IRF2BPL: variants seen among roughly 807,000 people sequenced by gnomAD.
IRF2BPL encodes interferon regulatory factor 2 binding protein like.
IRF2BPL carries 13 observed loss-of-function variants against 51.2 expected under a neutral mutation model. That is an observed-to-expected ratio of 0.25 (90% CI 0.17 to 0.40). The LOEUF is 0.40. Ranked by LOEUF, IRF2BPL falls within the 10% of genes least tolerant of loss-of-function variation. The pLI is 1.00. For missense variants in IRF2BPL, 1,210 were observed against 1,111.8 expected, an observed-to-expected ratio of 1.09 and a Z score of -1.26; for synonymous variants, 768 against 509.2, an observed-to-expected ratio of 1.51 and a Z score of -6.84.
In IRF2BPL at chr14:77,027,733, G is replaced by A. The variant is rs1039289890; in HGVS notation, c.60C>T (p.Pro20=). The A allele has an allele frequency of 3.7e-6, 6 of 1,606,854 alleles. No homozygotes were observed. The highest frequency in any genetic ancestry group is 1.7e-5 in the Admixed American group (1 of 59,666). ...RRQSCYLCDL[P]RMPWAMIWDF... The stretch of plus-strand genomic sequence containing the variant: ...CCCAGATCATGGCCCAGGGCATGCG[G>A]GGCAGGTCGCACAGGTAGCAAGATT... Residue 20 remains proline, a synonymous_variant, in exon 1 of 1, where the codon CCC becomes CCT. Transcript: ENST00000238647.
chr14:77,025,597 G>A lies in IRF2BPL; in HGVS notation c.2196C>T (p.Ser732=), dbSNP rs1885088344. 1.9e-6 allele frequency: 3 copies of A among 1,604,320 alleles called. No homozygotes were observed. In the East Asian group the frequency reaches 6.7e-5, roughly 36 times the overall value. The change falls in exon 1 of 1, where the codon TCC becomes TCT. Residue 732 remains serine, a synonymous_variant. Coordinates refer to ENST00000238647, the MANE Select transcript of IRF2BPL (RefSeq NM_024496.4). ...GGAAGCAAAATTTGTGGCTGGGGACGGAAGGGCACTGAACGAAATGCGTAT... is the reference window on the plus strand; with the variant it reads ...GGAAGCAAAATTTGTGGCTGGGGACAGAAGGGCACTGAACGAAATGCGTAT... ...LEDTHFVQCP[S]VPSHKFCFPC... is the part of the protein sequence containing the mutation.
rs772541420 is a variant in IRF2BPL, at chr14:77,026,740, G to A, written c.1053C>T (p.Ala351=). Reference sequence around the variant, plus strand: ...TCTCGCTCAGCTCGGCCAGGGCCTCGGCGTTGCGCTGCTTCTCCTTCAACT... The same window carrying A: ...TCTCGCTCAGCTCGGCCAGGGCCTCAGCGTTGCGCTGCTTCTCCTTCAACT... ...ERELKEKQRN[A]EALAELSESL... is the part of the protein sequence containing the mutation. Residue 351 remains alanine, a synonymous_variant, in exon 1 of 1, where the codon GCC becomes GCT. Transcript: ENST00000238647. 9.9e-6 allele frequency: 16 copies of A among 1,612,426 alleles called. No individual in the cohort carries two copies. Among genetic ancestry groups the A allele is most frequent in the African/African-American group, 2.7e-5 (2 of 75,054 alleles).
Position 77,027,431 on chromosome 14 carries a change from TGCTGC to T in IRF2BPL, c.357_361del (p.Gln120AlafsTer11), listed in dbSNP as rs1164766597. The T allele has an allele frequency of 7.1e-7, 1 of 1,413,102 alleles. No homozygotes were observed. The highest frequency in any genetic ancestry group is 1.3e-5 in the South Asian group (1 of 74,656). 87.5% of individuals were successfully genotyped at this position (1,413,102 alleles called of 1,614,324 possible). On this transcript the variant is annotated frameshift_variant, in exon 1 of 1. Transcript: ENST00000238647. LOFTEE classifies it high-confidence loss of function. The stretch of plus-strand genomic sequence containing the variant: ...GTTGAGCTGTTGTTGCTGCTGCTGC[TGCTGC>T]TGCTGCTGCTGCTGTTGCTGCTGCT...
At position 77,027,865 on chromosome 14, in the gene IRF2BPL, C is replaced by T. The variant is rs1885206270; in HGVS notation, c.-73G>A. The T allele has an allele frequency of 1.1e-5, 16 of 1,414,670 alleles. No individual in the cohort carries two copies. The highest frequency in any genetic ancestry group is 1.4e-5 in the Non-Finnish European group (15 of 1,079,444). 87.6% of individuals were successfully genotyped at this position (1,414,670 alleles called of 1,614,324 possible). ...GCGCCTTCTCCTCCGGGAGGACTGG[C>T]CGGCTGGGGAGGGAGTCCGACTGCG... On this transcript the variant is annotated 5_prime_UTR_variant, in exon 1 of 1. Coordinates refer to ENST00000238647, the MANE Select transcript of IRF2BPL (RefSeq NM_024496.4).
Position 77,027,514 on chromosome 14 carries a change from T to TGCCGCC in IRF2BPL, c.273_278dup (p.Ala101_Ala102dup), listed in dbSNP as rs749636443. 4.2e-5 allele frequency: 27 copies of TGCCGCC among 648,336 alleles called. No homozygotes were observed. Among genetic ancestry groups the TGCCGCC allele is most frequent in the Admixed American group, 6.7e-5 (1 of 14,870 alleles). 40.2% of individuals were successfully genotyped at this position (648,336 alleles called of 1,614,324 possible). A position where few individuals can be genotyped will look rare whatever the true frequency, so the allele number is the denominator to read the frequency against. ...CGGCGGCGGCGGCGGCCGCCGCTGC[T>TGCCGCC]GCCGCCGCCGCCGCCGCTTCCTTAG... On this transcript the variant is annotated inframe_insertion, in exon 1 of 1. Transcript: ENST00000238647.
At position 77,026,538 on chromosome 14, in the gene IRF2BPL, G is replaced by C; in HGVS notation, c.1255C>G (p.Leu419Val). 6.2e-7 allele frequency: 1 copy of C among 1,613,818 alleles called. No homozygotes were observed. The highest frequency in any genetic ancestry group is 8.5e-7 in the Non-Finnish European group (1 of 1,180,026). Residue 419 changes from leucine to valine, a missense_variant, in exon 1 of 1, where the codon CTG (leucine) becomes GTG (valine). By Grantham distance (32) the Leu-to-Val change is conservative. Transcript: ENST00000238647. ...SKPGMDYELK[L>V]FIEYPTGSGN... ...GAGCCCGTGGGGTACTCAATGAACAGCTTCAATTCGTAGTCCATGCCGGGC... is the reference window on the plus strand; with the variant it reads ...GAGCCCGTGGGGTACTCAATGAACACCTTCAATTCGTAGTCCATGCCGGGC...
Position 77,026,010 on chromosome 14 carries a change from C to A in IRF2BPL, c.1783G>T (p.Gly595Cys), listed in dbSNP as rs2140377333. The A allele has an allele frequency of 1.9e-6, 3 of 1,564,998 alleles. No homozygotes were observed. Among genetic ancestry groups the A allele is most frequent in the South Asian group, 1.2e-5 (1 of 86,354 alleles). ...AGAGGTGGGGGCGGCGGAGGCGGAC[C>A]CCCCGCCGCGTGCCCCGGCGCCGCG... is the stretch of plus-strand genomic sequence containing the variant. ...GFAAPGHAAG[G>C]PPPPPPPLGP... The change falls in exon 1 of 1, where the codon GGT becomes TGT. Residue 595 changes from glycine (G) to cysteine (C), a missense_variant. Transcript: ENST00000238647.
rs1190171551 is a variant in IRF2BPL at position 77,026,112 on chromosome 14, C to T, written c.1681G>A (p.Gly561Ser). The change falls in exon 1 of 1, where the codon GGC (glycine) becomes AGC (serine). Residue 561 changes from glycine to serine, a missense_variant. By Grantham distance (56) the Gly-to-Ser change is moderately conservative. Transcript: ENST00000238647. ...PDSAEGALKL[G>S]EEQQRQQWMA... is the part of the protein sequence containing the mutation. ...CACTGCTGCCTCTGCTGTTCCTCGC[C>T]CAGCTTCAGCGCGCCCTCGGCTGAG... 1.3e-6 allele frequency: 2 copies of T among 1,572,880 alleles called. No homozygotes were observed. Among genetic ancestry groups the T allele is most frequent in the Non-Finnish European group, 1.7e-6 (2 of 1,165,144 alleles).
chr14:77,026,555 A>T lies in IRF2BPL; in HGVS notation c.1238T>A (p.Met413Lys). The T allele has an allele frequency of 6.2e-7, 1 of 1,613,864 alleles. No individual in the cohort carries two copies. Among genetic ancestry groups the T allele is most frequent in the Non-Finnish European group, 8.5e-7 (1 of 1,180,016 alleles). ...AATGAACAGCTTCAATTCGTAGTCC[A>T]TGCCGGGCTTGGAGACGGCGTCGAA... Reference protein sequence around the residue: ...FAFDAVSKPGMDYELKLFIEY... With the variant: ...FAFDAVSKPGKDYELKLFIEY... Residue 413 changes from methionine to lysine, a missense_variant, in exon 1 of 1, where the codon ATG becomes AAG. Transcript: ENST00000238647.
Position 77,027,788 on chromosome 14 carries a change from G to A in IRF2BPL, c.5C>T (p.Ser2Leu), listed in dbSNP as rs755943478. ...CCGGGACGAGGACACCTGCGCCGCC[G>A]ACATGATGCCTGCCCTGGGGAAGGT... M[S>L]AAQVSSSRRQ... is the part of the protein sequence containing the mutation. Residue 2 changes from serine to leucine, a missense_variant, in exon 1 of 1, where the codon TCG (serine) becomes TTG (leucine). By Grantham distance (145) the Ser-to-Leu change is moderately radical. Transcript: ENST00000238647. 1.3e-5 allele frequency: 21 copies of A among 1,573,778 alleles called. No homozygotes were observed. The highest frequency in any genetic ancestry group is 2.4e-5 in the East Asian group (1 of 41,476).
At position 77,027,365 on chromosome 14, in the gene IRF2BPL, G is replaced by A. The variant is rs1885169621; in HGVS notation, c.428C>T (p.Pro143Leu). 2.6e-6 allele frequency: 4 copies of A among 1,512,336 alleles called. No homozygotes were observed. The highest frequency in any genetic ancestry group is 3.5e-6 in the Non-Finnish European group (4 of 1,133,902). 93.7% of individuals were successfully genotyped at this position (1,512,336 alleles called of 1,614,324 possible). A position where few individuals can be genotyped will look rare whatever the true frequency, so the allele number is the denominator to read the frequency against. ...TAGGCCGTAGCGCTCCAGGCCAGACGGGGCCGCCAGCACCGCAGGCTTGCT... is the reference window on the plus strand; with the variant it reads ...TAGGCCGTAGCGCTCCAGGCCAGACAGGGCCGCCAGCACCGCAGGCTTGCT... Reference protein sequence around the residue: ...GSSKPAVLAAPSGLERYGLSA... With the variant: ...GSSKPAVLAALSGLERYGLSA... Residue 143 changes from proline (P) to leucine (L), a missense_variant, in exon 1 of 1, where the codon CCG becomes CTG. Physicochemically the swap from Pro to Leu is moderately conservative, Grantham distance 98. Coordinates refer to ENST00000238647, the MANE Select transcript of IRF2BPL (RefSeq NM_024496.4).
Position 77,027,498 on chromosome 14 carries a change from CGGCGG to C in IRF2BPL, c.290_294del (p.Ala97GlyfsTer34). 3.0e-6 allele frequency: 2 copies of C among 672,744 alleles called. No homozygotes were observed. The highest frequency in any genetic ancestry group is 1.9e-6 in the Non-Finnish European group (1 of 537,166). The allele number at this position is 672,744 out of a possible 1,614,324, so 41.7% of individuals were successfully genotyped here. On this transcript the variant is annotated frameshift_variant, in exon 1 of 1. Coordinates refer to ENST00000238647, the MANE Select transcript of IRF2BPL (RefSeq NM_024496.4). LOFTEE classifies it high-confidence loss of function. ...TGCTGTTGCTGTTGCGCGGCGGCGG[CGGCGG>C]CCGCCGCTGCTGCCGCCGCCGCCGC...
Position 77,026,941 on chromosome 14 carries a change from G to C in IRF2BPL, c.852C>G (p.Pro284=), listed in dbSNP as rs1885145414. ...GAGCCCCTGGGGGAGCAGGCGTCGG[G>C]GGCCCACGGCTGCCCAGGGCGTGGG... ...PPPHALGSRG[P]PTPAPPGAPG... The change falls in exon 1 of 1, where the codon CCC becomes CCG. Residue 284 remains proline, a synonymous_variant. Transcript: ENST00000238647. The C allele has an allele frequency of 3.4e-6, 5 of 1,466,712 alleles. No individual in the cohort carries two copies. Among genetic ancestry groups the C allele is most frequent in the Non-Finnish European group, 3.6e-6 (4 of 1,110,408 alleles). The allele number at this position is 1,466,712 out of a possible 1,614,324, so 90.9% of individuals were successfully genotyped here.
Position 77,027,972 on chromosome 14 carries a change from G to T in IRF2BPL, c.-180C>A, listed in dbSNP as rs1885212606. ...GTCTCCACCGCCGGCGCAGCGCCTC[G>T]CCGTGGGGGCTCCACCGCCCGGGCA... On this transcript the variant is annotated 5_prime_UTR_variant, in exon 1 of 1. Transcript: ENST00000238647. The T allele has an allele frequency of 4.3e-6, 3 of 705,082 alleles. No individual in the cohort carries two copies. The highest frequency in any genetic ancestry group is 6.4e-6 in the Non-Finnish European group (3 of 468,462). The allele number at this position is 705,082 out of a possible 1,614,324, so 43.7% of individuals were successfully genotyped here. A position where few individuals can be genotyped will look rare whatever the true frequency, so the allele number is the denominator to read the frequency against.
In IRF2BPL at chr14:77,028,138, G is replaced by T. The variant is rs1885220058; in HGVS notation, c.-346C>A. On this transcript the variant is annotated 5_prime_UTR_variant, in exon 1 of 1. Transcript: ENST00000238647. The stretch of plus-strand genomic sequence containing the variant: ...CGAGGGGAGGGGGCGAGGGTGCCCG[G>T]TGGTGGCCGCCGTTGCCTCTTGGCC... 3.8e-6 allele frequency: 1 copy of T among 260,286 alleles called. No homozygotes were observed. The highest frequency in any genetic ancestry group is 2.2e-5 in the African/African-American group (1 of 44,610). The allele number at this position is 260,286 out of a possible 1,614,324, so 16.1% of individuals were successfully genotyped here.
At position 77,026,223 on chromosome 14, in the gene IRF2BPL, T is replaced by C; in HGVS notation, c.1570A>G (p.Thr524Ala). 7.1e-7 allele frequency: 1 copy of C among 1,410,660 alleles called. No homozygotes were observed. Among genetic ancestry groups the C allele is most frequent in the Non-Finnish European group, 9.2e-7 (1 of 1,089,578 alleles). The allele number at this position is 1,410,660 out of a possible 1,614,324, so 87.4% of individuals were successfully genotyped here. The stretch of plus-strand genomic sequence containing the variant: ...GGCGCGGCGGGCGGCAAGGCCCCGG[T>C]CCCCGGGGGTGCGCTGGGGGCGCGG... Reference protein sequence around the residue: ...LSRAPSAPPGTGALPPAAPSG... With the variant: ...LSRAPSAPPGAGALPPAAPSG... The change falls in exon 1 of 1, where the codon ACC (threonine) becomes GCC (alanine). Residue 524 changes from threonine to alanine, a missense_variant. Coordinates refer to ENST00000238647, the MANE Select transcript of IRF2BPL (RefSeq NM_024496.4).
Position 77,027,472 on chromosome 14 carries a change from T to TTGCTGCTGCTGCTGCTGC in IRF2BPL, c.320_321insGCAGCAGCAGCAGCAGCA (p.Gln122_Gln127dup). 7.3e-7 allele frequency: 1 copy of TTGCTGCTGCTGCTGCTGC among 1,372,232 alleles called. No homozygotes were observed. The highest frequency in any genetic ancestry group is 9.4e-7 in the Non-Finnish European group (1 of 1,059,482). The allele number at this position is 1,372,232 out of a possible 1,614,324, so 85.0% of individuals were successfully genotyped here. ...GCTGTTGCTGCTGCTGCTGCTGCTG[T>TTGCTGCTGCTGCTGCTGC]TGCTGTTGCTGTTGCGCGGCGGCGG... On this transcript the variant is annotated inframe_insertion, in exon 1 of 1. Coordinates refer to ENST00000238647, the MANE Select transcript of IRF2BPL (RefSeq NM_024496.4).
rs1172768017 is a variant in IRF2BPL, at chr14:77,027,803, C to T, written c.-11G>A. 2 of 1,540,144 alleles carry T rather than the reference C, an allele frequency of 1.3e-6. No homozygotes were observed. The highest frequency in any genetic ancestry group is 1.8e-6 in the Non-Finnish European group (2 of 1,139,144). ...CTGCGCCGCCGACATGATGCCTGCC[C>T]TGGGGAAGGTAGGCCCCCGCCCGGG... On this transcript the variant is annotated 5_prime_UTR_variant, in exon 1 of 1. Transcript: ENST00000238647.
chr14:77,026,398 C>T lies in IRF2BPL; in HGVS notation c.1395G>A (p.Lys465=), dbSNP rs1885123520. The change falls in exon 1 of 1, where the codon AAG becomes AAA. Residue 465 remains lysine (K), a synonymous_variant. Coordinates refer to ENST00000238647, the MANE Select transcript of IRF2BPL (RefSeq NM_024496.4). ...SGFKYLEYEK[K]HGSGDWRLLG... is the part of the protein sequence containing the mutation. ...GCAGGCGCCAGTCCCCGGAGCCGTGCTTCTTTTCGTACTCCAGGTACTTGA... is the reference window on the plus strand; with the variant it reads ...GCAGGCGCCAGTCCCCGGAGCCGTGTTTCTTTTCGTACTCCAGGTACTTGA... The T allele has an allele frequency of 1.9e-6, 3 of 1,613,104 alleles. 1 individual carries two copies. Among genetic ancestry groups the T allele is most frequent in the Admixed American group, 3.3e-5 (2 of 59,996 alleles).
Sources: allele counts gnomAD v4.1 joint callset, GRCh38; gene constraint gnomAD v4.1.1; transcripts MANE v1.5; gene names NCBI Gene and HGNC (gene_info 2026-07-23, HGNC 2026-07-21).